ZMYM2: variants seen among roughly 807,000 people sequenced by gnomAD.
ZMYM2 encodes zinc finger MYM-type protein 2.
ZMYM2 carries 56 observed loss-of-function variants against 162.8 expected under a neutral mutation model. The ratio of observed to expected loss-of-function variants is 0.34; its 90% CI spans 0.28 to 0.43. ZMYM2 has a LOEUF of 0.43. ZMYM2 is among the 20% of genes least tolerant of loss of function. ZMYM2 has a pLI of 1.00. For missense variants in ZMYM2, 1,275 were observed against 1,621.8 expected, an observed-to-expected ratio of 0.79 and a Z score of 3.67; for synonymous variants, 510 against 541.6, an observed-to-expected ratio of 0.94 and a Z score of 0.81.
intron 2 of ZMYM2, chr13:19,970,201 TTGA>T (rs1293249372): frequency 3.0e-6 from 1 of 331,852 alleles, no homozygotes; most frequent in Non-Finnish European, 4.3e-6. Context: ...AAATGAATGT[TTGA>T]TGATTTGTTT....
chr13:20,058,570 C>T lies in ZMYM2; in HGVS notation c.2494-5C>T. Reference sequence around the variant, plus strand: ...ATAAAAATGTTTCTCTTTGCTTCTCCATAGGGTTCAGCACCACCCCCTTCT... The same window carrying T: ...ATAAAAATGTTTCTCTTTGCTTCTCTATAGGGTTCAGCACCACCCCCTTCT... On this transcript the variant is annotated splice_polypyrimidine_tract_variant and splice_region_variant and intron_variant, in intron 14 of 24. Transcript: ENST00000610343. 6.2e-7 allele frequency: 1 copy of T among 1,610,662 alleles called. No homozygotes were observed.
chr13:20,051,977 T>C (rs1042480545), intron 13 of ZMYM2, among the ~76,000 whole-genome samples: 1 of 152,066 alleles, frequency 6.6e-6, no homozygotes, highest in Non-Finnish European at 1.5e-5. Context: ...AAAAACCGTT[T>C]AGAAGCTGTA....
chr13:19,965,577 T>G (rs1955680600), intron 2 of ZMYM2, among the ~76,000 whole-genome samples: 1 of 152,200 alleles, frequency 6.6e-6, no homozygotes, highest in South Asian at 2.1e-4. Context: ...GGAAGAGCAT[T>G]TCATCTAGAC....
intron 2 of ZMYM2, among the ~76,000 whole-genome samples, chr13:19,990,853 A>G (rs1949544152): frequency 6.6e-6 from 1 of 152,116 alleles, no homozygotes; most frequent in Admixed American, 6.6e-5. Context: ...CATTCATCCT[A>G]TCTACAATTT....
chr13:19,895,091 A>G, the ZMYM2 span, among the ~76,000 whole-genome samples: 4 of 150,852 alleles, frequency 2.7e-5, 1 homozygote, highest in African/African-American at 9.8e-5. Context: ...AAAAAAAAAA[A>G]AAAAAAGAAA....
chr13:20,008,981 AAAAATCAGGTCT>A (rs1950963714), intron 6 of ZMYM2, among the ~76,000 whole-genome samples: 1 of 152,184 alleles, frequency 6.6e-6, no homozygotes, highest in Non-Finnish European at 1.5e-5. Context: ...TGCCTCTTTG[AAAAATCAGGTCT>A]TCAAAAACCA....
chr13:19,956,221 C>T (rs1003283969), upstream of ZMYM2, among the ~76,000 whole-genome samples: 1 of 152,106 alleles, frequency 6.6e-6, no homozygotes, highest in South Asian at 2.1e-4. Context: ...AGACATTTCT[C>T]GTAAATGGAA....
At chr13:20,034,540 G>A in intron 11 of ZMYM2, 136 bp downstream of exon 11, 1 of 791,158 alleles carries the variant, frequency 1.3e-6, no homozygotes, top group Non-Finnish European at 1.8e-6. Context: ...CTACTGACTT[G>A]TTTCGTTATT....
the ZMYM2 span, among the ~76,000 whole-genome samples, chr13:19,932,116 G>C: frequency 6.6e-6 from 1 of 152,076 alleles, no homozygotes; most frequent in Non-Finnish European, 1.5e-5. Context: ...TTTTGGAAAT[G>C]TCCCATATGC....
At chr13:20,048,314 A>G (rs1468914698) in intron 12 of ZMYM2, among the ~76,000 whole-genome samples, 4 of 151,742 alleles carry the variant, frequency 2.6e-5, no homozygotes, top group African/African-American at 9.7e-5. Flanking sequence ...TTTTGAAATT[A>G]TTTTTAGGAA....
the ZMYM2 span, among the ~76,000 whole-genome samples, chr13:19,865,897 C>T: frequency 1.2e-4 from 18 of 152,110 alleles, no homozygotes; most frequent in African/African-American, 4.4e-4. Flanking sequence ...TACAAAGTCA[C>T]AGCATTATGA....
intron 2 of ZMYM2, among the ~76,000 whole-genome samples, chr13:19,984,812 G>C (rs1197258426): frequency 6.6e-6 from 1 of 152,152 alleles, no homozygotes; most frequent in East Asian, 1.9e-4. Context: ...GATTGCTGCA[G>C]GGATCTAACT....
At chr13:19,948,956 T>C in the ZMYM2 span, among the ~76,000 whole-genome samples, 2 of 152,260 alleles carry the variant, frequency 1.3e-5, no homozygotes, top group Non-Finnish European at 2.9e-5. Flanking sequence ...TTTGTGTGTA[T>C]GTGTTTTTGT....
the ZMYM2 span, among the ~76,000 whole-genome samples, chr13:19,868,200 C>G: frequency 0.11 from 16,277 of 152,244 alleles, 999 homozygotes; most frequent in Middle Eastern, 0.14. Context: ...AGTTTCATCT[C>G]TACATTTTTA....
chr13:20,055,183 G>A (rs1160560856), intron 14 of ZMYM2, among the ~76,000 whole-genome samples: 1 of 152,070 alleles, frequency 6.6e-6, no homozygotes, highest in Non-Finnish European at 1.5e-5. Context: ...CCTAGAACCA[G>A]TCCTCCACAT....
At chr13:20,011,513 T>C (rs948340071) in intron 6 of ZMYM2, among the ~76,000 whole-genome samples, 1 of 152,100 alleles carries the variant, frequency 6.6e-6, no homozygotes, top group Non-Finnish European at 1.5e-5. Flanking sequence ...TTCCATTATG[T>C]ACGTTTTTGT....
At chr13:20,057,761 A>T (rs1367238278) in intron 14 of ZMYM2, among the ~76,000 whole-genome samples, 1 of 152,224 alleles carries the variant, frequency 6.6e-6, no homozygotes, top group Non-Finnish European at 1.5e-5. Flanking sequence ...AAACATTGCG[A>T]CCAGAGGCTC....
the ZMYM2 span, among the ~76,000 whole-genome samples, chr13:19,870,533 CTTTCTCTTTCTTTCTTT>C: frequency 1.4e-5 from 1 of 70,464 alleles, no homozygotes; most frequent in South Asian, 6.6e-4. Context: ...CTCTTTCTTT[CTTTCTCTTTCTTTCTTT>C]CTTCCTTCCT....
At chr13:19,959,825 G>C (rs1360785021) in intron 1 of ZMYM2, 133 bp from the exon 2 acceptor site, 1 of 152,458 alleles carries the variant, frequency 6.6e-6, no homozygotes, top group African/African-American at 2.4e-5. Flanking sequence ...TGCGCATGGT[G>C]GGGGTAATAA....
Sources: gnomAD v4.1 joint callset for allele counts (sites outside exome capture counted in the v4.1 genomes callset) on GRCh38, gnomAD v4.1.1 for gene constraint, MANE v1.5 for transcripts, NCBI Gene and HGNC (gene_info 2026-07-23, HGNC 2026-07-21) for gene names.